Variants in NFIB observed in about 807,000 individuals in gnomAD.
NFIB encodes the protein nuclear factor 1 B-type.
A neutral mutation model predicts 61.5 loss-of-function variants in NFIB; 11 were observed. The observed-to-expected ratio is 0.18, with a 90% confidence interval of 0.11 to 0.30. The LOEUF (loss-of-function observed/expected upper bound fraction) is 0.30. NFIB is among the 10% of genes least tolerant of loss of function. NFIB has a pLI of 1.00. For missense variants in NFIB, 471 were observed against 608.9 expected, an observed-to-expected ratio of 0.77 and a Z score of 2.38; for synonymous variants, 260 against 216.5, an observed-to-expected ratio of 1.20 and a Z score of -1.76.
At chr9:14,246,998 T>C (rs1418937948) in intron 2 of NFIB, among the ~76,000 whole-genome samples, 1 of 145,814 alleles carries the variant, frequency 6.9e-6, no homozygotes, top group Non-Finnish European at 1.5e-5. Context: ...TCTTTCACTA[T>C]ATCTCTCTCT....
intron 2 of NFIB, among the ~76,000 whole-genome samples, chr9:14,295,587 C>A (rs1330223887): frequency 1.3e-5 from 2 of 152,044 alleles, no homozygotes; most frequent in Admixed American, 6.5e-5. Context: ...GCCGAGATTG[C>A]GCCACTGCAC....
At chr9:14,485,201 A>T in the NFIB span, among the ~76,000 whole-genome samples, 1 of 152,218 alleles carries the variant, frequency 6.6e-6, no homozygotes, top group Admixed American at 6.5e-5. Flanking sequence ...AATTCAGTCC[A>T]TAACAGAAAC....
chr9:14,383,416 T>A (rs148057236), intron 1 of NFIB, among the ~76,000 whole-genome samples: 2 of 152,266 alleles, frequency 1.3e-5, no homozygotes, highest in African/African-American at 2.4e-5. Flanking sequence ...ATAATTCAAA[T>A]AGGGCTGTTA....
the NFIB span, among the ~76,000 whole-genome samples, chr9:14,500,856 GC>G: frequency 6.6e-6 from 1 of 152,062 alleles, no homozygotes; most frequent in East Asian, 1.9e-4. Flanking sequence ...TCTGAAAACC[GC>G]CCACTCCCTG....
chr9:14,418,481 T>C, the NFIB span, among the ~76,000 whole-genome samples: 1 of 152,142 alleles, frequency 6.6e-6, no homozygotes. Context: ...CACAACAATA[T>C]ATCTGCTGCT....
chr9:14,298,930 A>C (rs1266971806), intron 2 of NFIB, among the ~76,000 whole-genome samples: 3 of 152,234 alleles, frequency 2.0e-5, no homozygotes, highest in Admixed American at 2.0e-4. Context: ...CAAGGCCAGA[A>C]GCTGAGACCG....
At chr9:14,145,607 C>T (rs1367855377) in intron 6 of NFIB, among the ~76,000 whole-genome samples, 2 of 151,776 alleles carry the variant, frequency 1.3e-5, no homozygotes, top group East Asian at 1.9e-4. Flanking sequence ...CACCAATACA[C>T]ACCCAAGTCC....
At chr9:14,517,884 T>C in the NFIB span, among the ~76,000 whole-genome samples, 1 of 152,176 alleles carries the variant, frequency 6.6e-6, no homozygotes, top group East Asian at 1.9e-4. Flanking sequence ...TGCTCTCTCT[T>C]ATTTGCATCT....
At chr9:14,322,757 TGCGCCGCGCG>T (rs1166844022) in intron 1 of NFIB, among the ~76,000 whole-genome samples, 1 of 151,450 alleles carries the variant, frequency 6.6e-6, no homozygotes, top group Non-Finnish European at 1.5e-5. Context: ...TGTGGCGGCC[TGCGCCGCGCG>T]GCGCCCCTCT....
chr9:14,531,612 C>T, the NFIB span, among the ~76,000 whole-genome samples: 1 of 151,992 alleles, frequency 6.6e-6, no homozygotes, highest in Non-Finnish European at 1.5e-5. Context: ...GGCTCCAATC[C>T]CCTACTGACT....
chr9:14,116,029 T>C (rs1209703767), intron 9 of NFIB, among the ~76,000 whole-genome samples, 179 bp downstream of exon 9: 2 of 152,248 alleles, frequency 1.3e-5, no homozygotes, highest in Non-Finnish European at 2.9e-5. Context: ...GAGCCTGTGA[T>C]AGCAGGGCCA....
chr9:14,279,800 C>T (rs1023105887), intron 2 of NFIB, among the ~76,000 whole-genome samples: 1 of 152,098 alleles, frequency 6.6e-6, no homozygotes, highest in East Asian at 1.9e-4. Flanking sequence ...CATAAAGCTC[C>T]CAAATGTAAA....
At chr9:14,409,572 C>T in the NFIB span, among the ~76,000 whole-genome samples, 1 of 152,174 alleles carries the variant, frequency 6.6e-6, no homozygotes, top group African/African-American at 2.4e-5. Flanking sequence ...AGGGCAGTGC[C>T]CCATGAGGAA....
At chr9:14,360,689 C>T (rs977657392) in intron 1 of NFIB, among the ~76,000 whole-genome samples, 6 of 151,798 alleles carry the variant, frequency 4.0e-5, no homozygotes, top group Non-Finnish European at 8.8e-5. Flanking sequence ...GGACTACAGG[C>T]GCCCGCCAAT....
chr9:14,189,875 A>G (rs1209929507), intron 2 of NFIB, among the ~76,000 whole-genome samples: 1 of 151,808 alleles, frequency 6.6e-6, no homozygotes, highest in Non-Finnish European at 1.5e-5. Flanking sequence ...AATTACAAAC[A>G]AACTGCCAGT....
chr9:14,445,352 C>G, the NFIB span, among the ~76,000 whole-genome samples: 2 of 149,560 alleles, frequency 1.3e-5, no homozygotes, highest in African/African-American at 2.5e-5. Flanking sequence ...GGAGTGATAG[C>G]AGGCATTTTT....
chr9:14,457,856 G>A, the NFIB span, among the ~76,000 whole-genome samples: 4 of 152,112 alleles, frequency 2.6e-5, no homozygotes, highest in Non-Finnish European at 4.4e-5. Context: ...AACAGGCTCT[G>A]GCATTGAGGC....
intron 2 of NFIB, among the ~76,000 whole-genome samples, chr9:14,265,731 G>A (rs1462624493): frequency 1.3e-5 from 2 of 152,174 alleles, no homozygotes; most frequent in African/African-American, 2.4e-5. Flanking sequence ...TAACAAACAT[G>A]TATTGAGCAT....
intron 2 of NFIB, among the ~76,000 whole-genome samples, chr9:14,302,767 C>A (rs35834781): frequency 5.5e-4 from 83 of 152,100 alleles, no homozygotes; most frequent in Non-Finnish European, 8.2e-4. Context: ...ACCACCACCC[C>A]CTTCCTTTTT....
Sources: allele counts gnomAD v4.1 joint callset (sites outside exome capture counted in the v4.1 genomes callset), GRCh38; gene constraint gnomAD v4.1.1; transcripts MANE v1.5; gene names NCBI Gene and HGNC (gene_info 2026-07-23, HGNC 2026-07-21).